GALNT13: variants seen among roughly 807,000 people sequenced by gnomAD.
GALNT13 encodes the protein UDP-GalNAc:polypeptide N-acetylgalactosaminyltransferase 13.
Under a neutral mutation model 64.2 loss-of-function variants are expected in GALNT13, and 28 were observed. The ratio of observed to expected loss-of-function variants is 0.44; its 90% confidence interval spans 0.32 to 0.60. The LOEUF is 0.60. Among genes scored for constraint, GALNT13 ranks in the 20% least tolerant of loss-of-function variants. The pLI, the probability that GALNT13 is intolerant of heterozygous loss-of-function variation, is 0.05. For missense variants in GALNT13, 577 were observed against 669.8 expected (o/e 0.86, Z 1.53); for synonymous variants, 214 against 224.6 (o/e 0.95, Z 0.42).
intron 12 of GALNT13, among the ~76,000 whole-genome samples, chr2:154,444,615 AG>A (rs1439288556): frequency 6.6e-6 from 1 of 152,120 alleles, no homozygotes; most frequent in African/African-American, 2.4e-5. Context: ...TATGTGTTAA[AG>A]TGTTCATGTA....
chr2:153,596,507 C>G, the GALNT13 span, among the ~76,000 whole-genome samples: 3 of 151,968 alleles, frequency 2.0e-5, no homozygotes, highest in East Asian at 5.8e-4. Flanking sequence ...TGCCGAAGAT[C>G]ACCAAAAAAG....
At chr2:153,851,446 A>G in the GALNT13 span, among the ~76,000 whole-genome samples, 10 of 152,200 alleles carry the variant, frequency 6.6e-5, no homozygotes, top group Admixed American at 6.5e-4. Context: ...TTTTCCTGTA[A>G]TCCCTATGTT....
intron 9 of GALNT13, among the ~76,000 whole-genome samples, chr2:154,360,055 GA>G (rs767039739): frequency 4.6e-5 from 7 of 152,100 alleles, no homozygotes; most frequent in Non-Finnish European, 8.8e-5. Context: ...AAATGTCCTG[GA>G]AAAATGTTTG....
At chr2:153,927,192 A>C (rs1176187960) in intron 2 of GALNT13, among the ~76,000 whole-genome samples, 1 of 152,022 alleles carries the variant, frequency 6.6e-6, no homozygotes. Flanking sequence ...TGTTTTTACC[A>C]ATTTATGTTT....
At chr2:153,784,325 C>T in the GALNT13 span, among the ~76,000 whole-genome samples, 1 of 152,180 alleles carries the variant, frequency 6.6e-6, no homozygotes, top group Non-Finnish European at 1.5e-5. Context: ...AGACTGGTGG[C>T]ATTTTGCCCC....
chr2:153,969,117 A>G (rs1693572890), intron 3 of GALNT13, among the ~76,000 whole-genome samples: 1 of 152,110 alleles, frequency 6.6e-6, no homozygotes, highest in Admixed American at 6.5e-5. Context: ...ATTAACGTGT[A>G]GAAAATCTTT....
At chr2:153,268,235 C>A in the GALNT13 span, among the ~76,000 whole-genome samples, 1 of 152,284 alleles carries the variant, frequency 6.6e-6, no homozygotes, top group South Asian at 2.1e-4. Flanking sequence ...GTGGCACAGG[C>A]ATTGAGTAAA....
intron 3 of GALNT13, among the ~76,000 whole-genome samples, chr2:154,034,335 T>G (rs1445935951): frequency 6.6e-6 from 1 of 152,196 alleles, no homozygotes; most frequent in African/African-American, 2.4e-5. Context: ...AAACTACATT[T>G]TTCCATTTAT....
At position 154,349,658 on chromosome 2, in the gene GALNT13, G is replaced by A. The variant is rs569439780; in HGVS notation, c.1157-46333G>A. ...GAAATGGATGTAAATCCAAACCCTA[G>A]GTTGACACAGGTGCAGAGAGAGAAG... On this transcript the variant is annotated intron_variant, in intron 9 of 12. Transcript: ENST00000392825. Among the ~76,000 whole-genome samples the A allele has an allele frequency of 2.0e-5, 3 of 152,330 alleles. No homozygotes were observed. The South Asian group carries it at 6.2e-4, about 32-fold the overall frequency.
At chr2:153,839,059 C>A in the GALNT13 span, among the ~76,000 whole-genome samples, 1 of 151,300 alleles carries the variant, frequency 6.6e-6, no homozygotes, top group Non-Finnish European at 1.5e-5. Context: ...TTATTAATAT[C>A]TTTTGGGTAG....
the GALNT13 span, among the ~76,000 whole-genome samples, chr2:153,525,480 G>A: frequency 5.9e-5 from 9 of 152,158 alleles, no homozygotes; most frequent in Admixed American, 3.9e-4. Flanking sequence ...ACCAGGCCAC[G>A]CAACAGGAGG....
intron 9 of GALNT13, among the ~76,000 whole-genome samples, chr2:154,395,305 G>A (rs551666626): frequency 3.5e-4 from 53 of 152,056 alleles, no homozygotes; most frequent in Non-Finnish European, 6.3e-4. Context: ...CTGATTTTCA[G>A]TGGAAATATT....
the GALNT13 span, among the ~76,000 whole-genome samples, chr2:153,639,564 C>T: frequency 3.9e-5 from 6 of 152,022 alleles, no homozygotes; most frequent in East Asian, 1.9e-4. Flanking sequence ...AGTGAGAGAA[C>T]GTGACTGTGA....
the GALNT13 span, among the ~76,000 whole-genome samples, chr2:153,649,038 T>G: frequency 6.6e-6 from 1 of 152,198 alleles, no homozygotes; most frequent in African/African-American, 2.4e-5. Flanking sequence ...TCAGAAAGAA[T>G]GGTACCAGGT....
chr2:154,446,820 AT>A, intron 12 of GALNT13: 2 of 1,425,538 alleles, frequency 1.4e-6, no homozygotes, highest in Non-Finnish European at 1.8e-6. Context: ...ATGTTCAGTT[AT>A]TGAAATCTGG....
At chr2:153,821,245 C>T in the GALNT13 span, among the ~76,000 whole-genome samples, 1 of 152,070 alleles carries the variant, frequency 6.6e-6, no homozygotes, top group African/African-American at 2.4e-5. Flanking sequence ...AGTTGGACCT[C>T]AGATATCTAC....
the GALNT13 span, among the ~76,000 whole-genome samples, chr2:153,140,754 A>C: frequency 7.7e-3 from 1,179 of 152,162 alleles, 4 homozygotes; most frequent in Middle Eastern, 0.02. Flanking sequence ...ACTAAGATGC[A>C]CTTCTTCATT....
At chr2:154,232,810 A>G (rs1308351347) in intron 4 of GALNT13, among the ~76,000 whole-genome samples, 1 of 151,462 alleles carries the variant, frequency 6.6e-6, no homozygotes, top group Non-Finnish European at 1.5e-5. Context: ...AGGTGGGCAG[A>G]TTGCTTGAGC....
At chr2:153,845,120 C>T in the GALNT13 span, among the ~76,000 whole-genome samples, 10 of 152,294 alleles carry the variant, frequency 6.6e-5, 1 homozygote, top group South Asian at 8.3e-4. Flanking sequence ...TTCAAAGTTG[C>T]TTCCACATTT....
Sources: gnomAD v4.1 joint callset for allele counts (sites outside exome capture counted in the v4.1 genomes callset) on GRCh38, gnomAD v4.1.1 for gene constraint, MANE v1.5 for transcripts, NCBI Gene and HGNC (gene_info 2026-07-23, HGNC 2026-07-21) for gene names.